Variants in GDI2 observed in about 807,000 individuals in gnomAD.
The protein encoded by GDI2 is GDP dissociation inhibitor 2.
In GDI2, 22 loss-of-function variants were observed where a neutral mutation model predicts 54.2. The ratio of observed to expected loss-of-function variants is 0.41; its 90% CI spans 0.29 to 0.58. The LOEUF (loss-of-function observed/expected upper bound fraction) is 0.58. GDI2 is among the 20% of genes least tolerant of loss of function. GDI2 has a pLI of 0.35. For synonymous variants in GDI2, 177 were observed against 182.1 expected, an observed-to-expected ratio of 0.97 and a Z score of 0.23; for missense variants, 422 against 546.0, an observed-to-expected ratio of 0.77 and a Z score of 2.26.
At chr10:5,790,220 C>T (rs943655895) in intron 4 of GDI2, among the ~76,000 whole-genome samples, 8 of 152,218 alleles carry the variant, frequency 5.3e-5, no homozygotes, top group African/African-American at 1.9e-4. Flanking sequence ...ATCTCATACA[C>T]ATACAACCTA....
At chr10:5,793,839 C>G (rs896617316) in intron 4 of GDI2, among the ~76,000 whole-genome samples, 1 of 151,834 alleles carries the variant, frequency 6.6e-6, no homozygotes, top group Admixed American at 6.6e-5. Flanking sequence ...TTTGGTGAGG[C>G]AACAGAGGAA....
chr10:5,766,025 T>C lies in GDI2; in HGVS notation c.1319A>G (p.Asp440Gly). The C allele has an allele frequency of 6.3e-7, 1 of 1,585,354 alleles. No homozygotes were observed. The highest frequency in any genetic ancestry group is 2.2e-5 in the East Asian group (1 of 44,796). ...CTGCTGTTAGTCTTCCCCATAGATG[T>C]CATTCTTCTTGCGCTTCATTTCCTC... ...DFEEMKRKKN[D>G]IYGED The change falls in exon 11 of 11, where the codon GAC (aspartate) becomes GGC (glycine). Residue 440 changes from aspartate (D) to glycine (G), a missense_variant. Physicochemically the swap from Asp to Gly is moderately conservative, Grantham distance 94. Coordinates refer to ENST00000380191, the MANE Select transcript of GDI2 (RefSeq NM_001494.4). The surrounding 1 kb of genome is among the most constrained non-coding windows in gnomAD (Gnocchi z 5.8).
intron 1 of GDI2, among the ~76,000 whole-genome samples, chr10:5,810,062 A>C (rs1417566855): frequency 6.6e-6 from 1 of 152,258 alleles, no homozygotes; most frequent in African/African-American, 2.4e-5. Flanking sequence ...AGAGCAAATC[A>C]AAGATTAAGC....
Position 5,766,713 on chromosome 10 carries a change from ATG to A in GDI2, c.992-77_992-76del. 8.4e-7 allele frequency: 1 copy of A among 1,194,214 alleles called. No homozygotes were observed. Among genetic ancestry groups the A allele is most frequent in the Non-Finnish European group, 1.2e-6 (1 of 807,186 alleles). The allele number at this position is 1,194,214 out of a possible 1,614,324, so 74.0% of individuals were successfully genotyped here. On this transcript the variant is annotated intron_variant, in intron 8 of 10. Coordinates refer to ENST00000380191, the MANE Select transcript of GDI2 (RefSeq NM_001494.4). This position sits in a 1 kb window ranked among gnomAD's most constrained non-coding sequence, Gnocchi z 5.8. Reference sequence around the variant, plus strand: ...CCCAACATACTCAGGTATCACCCATATGTCATGAGGTGTGAGTTAAAATTACT... The same window carrying A: ...CCCAACATACTCAGGTATCACCCATATCATGAGGTGTGAGTTAAAATTACT...
At chr10:5,777,024 T>C (rs1034829684) in intron 6 of GDI2, among the ~76,000 whole-genome samples, 3 of 152,230 alleles carry the variant, frequency 2.0e-5, no homozygotes, top group Non-Finnish European at 1.5e-5. Flanking sequence ...AAACAGTCAC[T>C]GTGAAATGTA....
At position 5,766,706 on chromosome 10, in the gene GDI2, C is replaced by G. The variant is rs1195258479; in HGVS notation, c.992-68G>C. 7.9e-7 allele frequency: 1 copy of G among 1,266,292 alleles called. No homozygotes were observed. Among genetic ancestry groups the G allele is most frequent in the African/African-American group, 1.5e-5 (1 of 68,376 alleles). 78.4% of individuals were successfully genotyped at this position (1,266,292 alleles called of 1,614,324 possible). ...TCTGGGACCCAACATACTCAGGTAT[C>G]ACCCATATGTCATGAGGTGTGAGTT... is the stretch of plus-strand genomic sequence containing the variant. On this transcript the variant is annotated intron_variant, in intron 8 of 10. Coordinates refer to ENST00000380191, the MANE Select transcript of GDI2 (RefSeq NM_001494.4). The surrounding 1 kb of genome is among the most constrained non-coding windows in gnomAD (Gnocchi z 5.8).
intron 6 of GDI2, among the ~76,000 whole-genome samples, chr10:5,775,907 A>T (rs1171639645): frequency 2.6e-5 from 4 of 152,104 alleles, no homozygotes; most frequent in Non-Finnish European, 5.9e-5. Flanking sequence ...GGAAGTGGTG[A>T]GGTTGTTGCT....
chr10:5,792,238 T>C (rs1162715296), intron 4 of GDI2, among the ~76,000 whole-genome samples: 1 of 152,226 alleles, frequency 6.6e-6, no homozygotes, highest in Non-Finnish European at 1.5e-5. Flanking sequence ...CTAGCTATAC[T>C]ACTTTGTGCT....
intron 7 of GDI2, among the ~76,000 whole-genome samples, chr10:5,772,014 C>T (rs575252295): frequency 7.9e-5 from 12 of 152,040 alleles, no homozygotes; most frequent in East Asian, 1.9e-4. Flanking sequence ...CACTTGAACC[C>T]GGAAGGCAGA....
intron 2 of GDI2, 39 bp downstream of exon 2, chr10:5,800,559 C>G: frequency 1.1e-6 from 1 of 929,766 alleles, no homozygotes; most frequent in Non-Finnish European, 1.8e-6. Context: ...GAAATACTCA[C>G]AAAGTGTGAG....
At chr10:5,796,631 G>C in intron 3 of GDI2, 132 bp downstream of exon 3, 2 of 595,224 alleles carry the variant, frequency 3.4e-6, no homozygotes, top group South Asian at 4.4e-5. Context: ...AATGGACCAT[G>C]TTACTCACCA....
chr10:5,773,080 A>G (rs967976877), intron 7 of GDI2, among the ~76,000 whole-genome samples: 3 of 151,910 alleles, frequency 2.0e-5, no homozygotes, highest in African/African-American at 7.3e-5. Context: ...TCTCTCCCTT[A>G]CTCATTGTCC....
intron 1 of GDI2, among the ~76,000 whole-genome samples, chr10:5,807,162 A>T (rs1407252623): frequency 4.6e-5 from 7 of 152,214 alleles, no homozygotes; most frequent in Non-Finnish European, 7.3e-5. Flanking sequence ...TAGCACAAAC[A>T]TAATAAGCTT....
At chr10:5,796,477 C>G (rs758496509) in intron 3 of GDI2, among the ~76,000 whole-genome samples, 10 of 152,202 alleles carry the variant, frequency 6.6e-5, no homozygotes, top group Non-Finnish European at 1.0e-4. Flanking sequence ...TTAAGACTGT[C>G]ATAAGCATCA....
chr10:5,782,665 G>A (rs1840784993), intron 6 of GDI2, among the ~76,000 whole-genome samples: 3 of 152,194 alleles, frequency 2.0e-5, no homozygotes, highest in Non-Finnish European at 4.4e-5. Flanking sequence ...CAGGCACAAT[G>A]GCTCACACCT....
At chr10:5,799,703 T>A (rs1462428125) in intron 2 of GDI2, among the ~76,000 whole-genome samples, 1 of 152,136 alleles carries the variant, frequency 6.6e-6, no homozygotes. Flanking sequence ...TACAAACAGC[T>A]ACGTAAGAGA....
intron 1 of GDI2, among the ~76,000 whole-genome samples, chr10:5,812,774 G>C (rs1331350060): frequency 6.6e-6 from 1 of 152,206 alleles, no homozygotes; most frequent in Non-Finnish European, 1.5e-5. Flanking sequence ...AGACTGACCC[G>C]GGGCAGCGGC....
rs201917946 is a variant in GDI2, at chr10:5,785,940, T to C, written c.499A>G (p.Thr167Ala). 2 of 1,609,862 alleles carry C rather than the reference T, an allele frequency of 1.2e-6. No homozygotes were observed. The highest frequency in any genetic ancestry group is 1.7e-6 in the Non-Finnish European group (2 of 1,176,050). ...TFEGIDPKKT[T>A]MRDVYKKFDL... Reference sequence around the variant, plus strand: ...AATTTCTTATACACATCTCGCATTGTGGTCTTCTTAGGATCAATGCCTTCA... The same window carrying C: ...AATTTCTTATACACATCTCGCATTGCGGTCTTCTTAGGATCAATGCCTTCA... The change falls in exon 5 of 11, where the codon ACA becomes GCA. Residue 167 changes from threonine to alanine, a missense_variant. Transcript: ENST00000380191.
At chr10:5,795,186 T>G (rs1025331552) in intron 3 of GDI2, among the ~76,000 whole-genome samples, 167 bp from the exon 4 acceptor site, 2 of 152,214 alleles carry the variant, frequency 1.3e-5, no homozygotes, top group Admixed American at 1.3e-4. Flanking sequence ...TACAGTGCAG[T>G]GGCACAATCA....
Sources: gnomAD v4.1 joint callset for allele counts (sites outside exome capture counted in the v4.1 genomes callset) on GRCh38, gnomAD v4.1.1 for gene constraint, Gnocchi (gnomAD v3.1) non-coding constraint, MANE v1.5 for transcripts, NCBI Gene and HGNC (gene_info 2026-07-23, HGNC 2026-07-21) for gene names.